The following LYRM7 variants were observed in gnomAD, a reference collection of about 807,000 sequenced individuals.
LYRM7 encodes the protein complex III assembly factor LYRM7.
Under a neutral mutation model 15.8 loss-of-function variants are expected in LYRM7, and 9 were observed. The ratio of observed to expected loss-of-function variants is 0.57; its 90% CI spans 0.34 to 0.99. The LOEUF (loss-of-function observed/expected upper bound fraction) is 0.99. Ranked by LOEUF, LYRM7 falls within the 50% of genes least tolerant of loss-of-function variation. LYRM7 has a pLI of 0.02. For synonymous variants in LYRM7, 39 were observed against 39.4 expected (o/e 0.99, Z 0.04); for missense variants, 115 against 119.1 (o/e 0.97, Z 0.16).
intron 4 of LYRM7, among the ~76,000 whole-genome samples, chr5:131,188,394 A>G (rs988402636): frequency 6.7e-6 from 1 of 150,142 alleles, no homozygotes; most frequent in African/African-American, 2.5e-5. Flanking sequence ...ACCAACATGT[A>G]AAACAAGCCA....
intron 4 of LYRM7, among the ~76,000 whole-genome samples, chr5:131,192,473 A>T (rs1406395517): frequency 6.6e-6 from 1 of 152,200 alleles, no homozygotes; most frequent in Non-Finnish European, 1.5e-5. Context: ...AGATATGCTA[A>T]TTACCCTGAT....
intron 1 of LYRM7, 131 bp from the exon 2 acceptor site, chr5:131,179,964 G>A: frequency 1.6e-6 from 1 of 607,216 alleles, no homozygotes; most frequent in Non-Finnish European, 2.9e-6. Flanking sequence ...TGTAGAGATG[G>A]GGGTCTCACC....
At chr5:131,179,386 G>T (rs548004417) in intron 1 of LYRM7, among the ~76,000 whole-genome samples, 5 of 150,590 alleles carry the variant, frequency 3.3e-5, no homozygotes, top group Admixed American at 1.3e-4. Context: ...CTTATAATAC[G>T]ATTTGTGTGA....
chr5:131,181,294 A>ATAT (rs1221861213), intron 2 of LYRM7, among the ~76,000 whole-genome samples: 8 of 16,420 alleles, frequency 4.9e-4, no homozygotes, highest in African/African-American at 9.1e-4. Context: ...AAAAAAAAAA[A>ATAT]AAAAAAAAAT....
intron 4 of LYRM7, among the ~76,000 whole-genome samples, chr5:131,196,073 G>T (rs985934025): frequency 6.7e-6 from 1 of 150,202 alleles, no homozygotes; most frequent in Admixed American, 6.6e-5. Context: ...GGTTGTGCTT[G>T]TTGCCTCTCC....
At position 131,205,259 on chromosome 5, in the gene LYRM7, A is replaced by G. The variant is rs570832174; in HGVS notation, c.*5658A>G. Reference sequence around the variant, plus strand: ...CCAAGTGTGTATGTATTCAAAAAACAGTTGTTTTGTGATTTTAAAATGTAA... The same window carrying G: ...CCAAGTGTGTATGTATTCAAAAAACGGTTGTTTTGTGATTTTAAAATGTAA... On this transcript the variant is annotated 3_prime_UTR_variant, in exon 5 of 5. Coordinates refer to ENST00000379380, the MANE Select transcript of LYRM7 (RefSeq NM_181705.4). 2 of 152,330 alleles carry G rather than the reference A, an allele frequency of 1.3e-5. No individual in the cohort carries two copies. The highest frequency in any genetic ancestry group is 2.4e-5 in the African/African-American group (1 of 41,562). 9.4% of individuals were successfully genotyped at this position (152,330 alleles called of 1,614,324 possible). A position where few individuals can be genotyped will look rare whatever the true frequency, so the allele number is the denominator to read the frequency against.
At chr5:131,177,759 T>G (rs984796862) in intron 1 of LYRM7, among the ~76,000 whole-genome samples, 4 of 152,202 alleles carry the variant, frequency 2.6e-5, no homozygotes, top group Non-Finnish European at 5.9e-5. Context: ...TGGTGAAATT[T>G]TTTTTCTTCC....
rs773600327 is a variant in LYRM7 at position 131,199,588 on chromosome 5, C to T, written c.302C>T (p.Thr101Ile). Residue 101 changes from threonine (T) to isoleucine (I), a missense_variant, in exon 5 of 5, where the codon ACT (threonine) becomes ATT (isoleucine). Physicochemically the swap from Thr to Ile is moderately conservative, Grantham distance 89. Transcript: ENST00000379380. ...AATGTGCCATATTGTGATGCACCAA[C>T]TCAGAAGCAATGAGTTTTCTAGAAT... ...VENVPYCDAP[T>I]QKQ The T allele has an allele frequency of 6.2e-7, 1 of 1,602,398 alleles. No individual in the cohort carries two copies. The highest frequency in any genetic ancestry group is 1.7e-5 in the Admixed American group (1 of 58,994).
At chr5:131,179,829 G>A (rs1303859532) in intron 1 of LYRM7, among the ~76,000 whole-genome samples, 22 of 151,982 alleles carry the variant, frequency 1.4e-4, no homozygotes, top group Non-Finnish European at 1.2e-4. Flanking sequence ...CCAGCTACTC[G>A]GGAGGCTGAG....
rs566908399 is a variant in LYRM7, at chr5:131,202,932, G to A, written c.*3331G>A. The A allele has an allele frequency of 1.8e-4, 27 of 152,364 alleles. No homozygotes were observed. Among genetic ancestry groups the A allele is most frequent in the African/African-American group, 6.5e-4 (27 of 41,530 alleles). The allele number at this position is 152,364 out of a possible 1,614,324, so 9.4% of individuals were successfully genotyped here. ...GATTCGAAGCTGGGGGAATATGGCA[G>A]GTAGTTTGTACAACATCTAATTCAG... On this transcript the variant is annotated 3_prime_UTR_variant, in exon 5 of 5. Coordinates refer to ENST00000379380, the MANE Select transcript of LYRM7 (RefSeq NM_181705.4).
chr5:131,199,498 T>G, intron 4 of LYRM7, 33 bp from the exon 5 acceptor site: 31 of 1,432,044 alleles, frequency 2.2e-5, no homozygotes, highest in Non-Finnish European at 3.0e-5. Context: ...ATTTTAGTGA[T>G]GTTAATTATT....
chr5:131,198,551 C>T (rs1264125904), intron 4 of LYRM7, among the ~76,000 whole-genome samples: 1 of 152,022 alleles, frequency 6.6e-6, no homozygotes, highest in Non-Finnish European at 1.5e-5. Flanking sequence ...ATCAATGTAT[C>T]TCCTCAAAAA....
At chr5:131,173,541 C>G (rs1031060994) in intron 1 of LYRM7, among the ~76,000 whole-genome samples, 2 of 152,112 alleles carry the variant, frequency 1.3e-5, no homozygotes, top group African/African-American at 4.8e-5. Context: ...GTCAAGAGTT[C>G]GAGACCCATC....
At position 131,199,880 on chromosome 5, in the gene LYRM7, C is replaced by T; in HGVS notation, c.*279C>T. ...AAATGCTTAGGGAGATATATTCAATCTTTGACCTTGATGAGTATTTGATCT... is the reference window on the plus strand; with the variant it reads ...AAATGCTTAGGGAGATATATTCAATTTTTGACCTTGATGAGTATTTGATCT... On this transcript the variant is annotated 3_prime_UTR_variant, in exon 5 of 5. Coordinates refer to ENST00000379380, the MANE Select transcript of LYRM7 (RefSeq NM_181705.4). The T allele has an allele frequency of 4.7e-6, 1 of 212,456 alleles. No homozygotes were observed. The highest frequency in any genetic ancestry group is 9.3e-6 in the Non-Finnish European group (1 of 108,004). 13.2% of individuals were successfully genotyped at this position (212,456 alleles called of 1,614,324 possible). A position where few individuals can be genotyped will look rare whatever the true frequency, so the allele number is the denominator to read the frequency against.
intron 3 of LYRM7, among the ~76,000 whole-genome samples, chr5:131,184,643 G>GA (rs1755765782): frequency 7.2e-6 from 1 of 137,954 alleles, no homozygotes; most frequent in African/African-American, 3.4e-5. Context: ...TTTTTGGCGG[G>GA]GGGGGGGTTC....
In LYRM7 at chr5:131,187,021, T is replaced by C. The variant is rs1314683414; in HGVS notation, c.163-7T>C. 1.3e-6 allele frequency: 2 copies of C among 1,509,338 alleles called. No homozygotes were observed. The highest frequency in any genetic ancestry group is 1.4e-5 in the African/African-American group (1 of 72,700). The allele number at this position is 1,509,338 out of a possible 1,614,324, so 93.5% of individuals were successfully genotyped here. A position where few individuals can be genotyped will look rare whatever the true frequency, so the allele number is the denominator to read the frequency against. On this transcript the variant is annotated splice_region_variant and splice_polypyrimidine_tract_variant and intron_variant, in intron 3 of 4. Coordinates refer to ENST00000379380, the MANE Select transcript of LYRM7 (RefSeq NM_181705.4). ...GACTTACTCTATTTGTTTGGTTTTC[T>C]TAACAGCTAATGAAAATAGGTTCTG...
In LYRM7 at chr5:131,200,594, G is replaced by C. The variant is rs999922444; in HGVS notation, c.*993G>C. 6.6e-6 allele frequency: 1 copy of C among 152,262 alleles called. No homozygotes were observed. The highest frequency in any genetic ancestry group is 1.5e-5 in the Non-Finnish European group (1 of 68,022). The allele number at this position is 152,262 out of a possible 1,614,324, so 9.4% of individuals were successfully genotyped here. Reference sequence around the variant, plus strand: ...CATTCACTGATAAATTCTCTCATTTGATGATGATACAGGGTTTTTAATTTT... The same window carrying C: ...CATTCACTGATAAATTCTCTCATTTCATGATGATACAGGGTTTTTAATTTT... On this transcript the variant is annotated 3_prime_UTR_variant, in exon 5 of 5. Coordinates refer to ENST00000379380, the MANE Select transcript of LYRM7 (RefSeq NM_181705.4).
rs1025744549 is a variant in LYRM7, at chr5:131,204,235, CT to C, written c.*4639del. On this transcript the variant is annotated 3_prime_UTR_variant, in exon 5 of 5. Coordinates refer to ENST00000379380, the MANE Select transcript of LYRM7 (RefSeq NM_181705.4). ...GAGCCACCACACCTGACTATAGGGC[CT>C]TTTTGAAAGGAAAATTGACATCATC... is the stretch of plus-strand genomic sequence containing the variant. The C allele has an allele frequency of 1.5e-4, 22 of 151,642 alleles. No homozygotes were observed. The highest frequency in any genetic ancestry group is 5.3e-4 in the African/African-American group (22 of 41,310). The allele number at this position is 151,642 out of a possible 1,614,324, so 9.4% of individuals were successfully genotyped here.
At position 131,203,331 on chromosome 5, in the gene LYRM7, C is replaced by T. The variant is rs1306249337; in HGVS notation, c.*3730C>T. The T allele has an allele frequency of 1.3e-5, 2 of 152,166 alleles. No homozygotes were observed. Among genetic ancestry groups the T allele is most frequent in the Non-Finnish European group, 2.9e-5 (2 of 68,022 alleles). The allele number at this position is 152,166 out of a possible 1,614,324, so 9.4% of individuals were successfully genotyped here. ...TAGACTTCTAAAATAAGCTATAACA[C>T]TTAAAAAGGAGAGATATACTATGTT... is the stretch of plus-strand genomic sequence containing the variant. On this transcript the variant is annotated 3_prime_UTR_variant, in exon 5 of 5. Transcript: ENST00000379380.
Sources: gnomAD v4.1 joint callset for allele counts (sites outside exome capture counted in the v4.1 genomes callset) on GRCh38, gnomAD v4.1.1 for gene constraint, MANE v1.5 for transcripts, NCBI Gene and HGNC (gene_info 2026-07-23, HGNC 2026-07-21) for gene names.